The following LRP1B variants were observed in gnomAD, a reference collection of about 807,000 sequenced individuals.
The protein encoded by LRP1B is LDL receptor related protein 1B.
A neutral mutation model predicts 556.6 loss-of-function variants in LRP1B; 217 were observed. The observed-to-expected ratio is 0.39, with a 90% CI of 0.35 to 0.44. LRP1B has a LOEUF of 0.44. Among genes scored for constraint, LRP1B ranks in the 20% least tolerant of loss-of-function variants. LRP1B has a pLI of 1.00. For missense variants in LRP1B, 5,053 were observed against 5,620.8 expected (o/e 0.90, Z 3.23); for synonymous variants, 2,047 against 1,865.8 (o/e 1.10, Z -2.50).
chr2:141,990,177 G>A (rs191063830), intron 1 of LRP1B, among the ~76,000 whole-genome samples: 4 of 152,070 alleles, frequency 2.6e-5, no homozygotes, highest in East Asian at 1.9e-4. Flanking sequence ...ACCAACTGAC[G>A]TGAAACAAAT....
chr2:141,952,848 T>G (rs554826790), intron 1 of LRP1B, among the ~76,000 whole-genome samples: 9 of 152,282 alleles, frequency 5.9e-5, no homozygotes, highest in African/African-American at 2.2e-4. Context: ...GTAGTTTTTA[T>G]GTTTCAATGA....
chr2:140,986,011 TATA>T (rs1341682284), intron 17 of LRP1B, among the ~76,000 whole-genome samples: 3 of 151,752 alleles, frequency 2.0e-5, no homozygotes, highest in Non-Finnish European at 4.4e-5. Context: ...CTGGACATAT[TATA>T]ATACTATTCC....
intron 4 of LRP1B, among the ~76,000 whole-genome samples, 175 bp from the exon 5 acceptor site, chr2:141,247,529 T>G (rs1415480837): frequency 6.6e-6 from 1 of 152,212 alleles, no homozygotes; most frequent in Non-Finnish European, 1.5e-5. Flanking sequence ...TGCCTTAATA[T>G]TTACAGAGAT....
At chr2:140,647,212 C>G (rs1055728824) in intron 41 of LRP1B, among the ~76,000 whole-genome samples, 1 of 152,068 alleles carries the variant, frequency 6.6e-6, no homozygotes, top group Non-Finnish European at 1.5e-5. Context: ...AACTTGAAAT[C>G]TTAATGTCTC....
At chr2:141,264,270 G>A (rs528030077) in intron 3 of LRP1B, among the ~76,000 whole-genome samples, 7 of 152,210 alleles carry the variant, frequency 4.6e-5, no homozygotes, top group Non-Finnish European at 8.8e-5. Flanking sequence ...TTTAATAAAC[G>A]TGACTGACAA....
intron 43 of LRP1B, among the ~76,000 whole-genome samples, chr2:140,589,462 T>C (rs1389669526): frequency 6.6e-6 from 1 of 151,974 alleles, no homozygotes; most frequent in African/African-American, 2.4e-5. Flanking sequence ...TTACAGAGAG[T>C]GAAGAATTAT....
chr2:141,961,081 C>A (rs868232746), intron 1 of LRP1B, among the ~76,000 whole-genome samples: 2 of 151,580 alleles, frequency 1.3e-5, no homozygotes, highest in African/African-American at 4.8e-5. Flanking sequence ...TGATGTATAG[C>A]AAAATGCAGC....
At chr2:141,956,879 GAATT>G (rs1178047329) in intron 1 of LRP1B, among the ~76,000 whole-genome samples, 2 of 151,960 alleles carry the variant, frequency 1.3e-5, no homozygotes, top group Non-Finnish European at 2.9e-5. Flanking sequence ...ATTTAGAATA[GAATT>G]ATTTCTCCAA....
At position 140,704,395 on chromosome 2, in the gene LRP1B, G is replaced by C. The variant is rs1254511331; in HGVS notation, c.6024-1842C>G. On this transcript the variant is annotated intron_variant, in intron 37 of 90. Coordinates refer to ENST00000389484, the MANE Select transcript of LRP1B (RefSeq NM_018557.3). ...GAGTTTTACAGACAAACAAAAATGA[G>C]GTATGGCTACAATCTCAATTATATT... 2.6e-5 allele frequency among the ~76,000 whole-genome samples: 4 copies of C among 151,848 alleles called. No individual in the cohort carries two copies. The South Asian group carries it at 8.3e-4, about 31-fold the overall frequency.
At chr2:141,282,463 TTTTATA>T (rs1298182197) in intron 3 of LRP1B, among the ~76,000 whole-genome samples, 2 of 53,274 alleles carry the variant, frequency 3.8e-5, no homozygotes, top group South Asian at 6.1e-4. Flanking sequence ...CTCTCGGGGG[TTTTATA>T]TGTATATGTA....
intron 3 of LRP1B, among the ~76,000 whole-genome samples, chr2:141,322,421 G>T (rs1162588647): frequency 6.6e-6 from 1 of 152,026 alleles, no homozygotes; most frequent in Non-Finnish European, 1.5e-5. Flanking sequence ...TGACATTACA[G>T]CCTGAGCTTT....
At chr2:141,670,058 T>C (rs2105410832) in intron 2 of LRP1B, among the ~76,000 whole-genome samples, 1 of 152,292 alleles carries the variant, frequency 6.6e-6, no homozygotes, top group Admixed American at 6.5e-5. Flanking sequence ...CAGCCATCAT[T>C]CTTTTGTTGA....
At chr2:141,395,033 CA>C (rs1304418597) in intron 3 of LRP1B, among the ~76,000 whole-genome samples, 1 of 152,062 alleles carries the variant, frequency 6.6e-6, no homozygotes, top group Non-Finnish European at 1.5e-5. Context: ...ACTGCATATA[CA>C]AATTGTGGTC....
At chr2:141,258,680 T>C (rs1431990268) in intron 3 of LRP1B, among the ~76,000 whole-genome samples, 1 of 152,086 alleles carries the variant, frequency 6.6e-6, no homozygotes, top group Non-Finnish European at 1.5e-5. Flanking sequence ...AGGGAGGTGA[T>C]TGGACTTGGG....
chr2:140,536,962 AG>A (rs1372616672), intron 45 of LRP1B, among the ~76,000 whole-genome samples: 1 of 150,876 alleles, frequency 6.6e-6, no homozygotes, highest in African/African-American at 2.4e-5. Context: ...TCATGAGGTC[AG>A]GAGATTGAGA....
In LRP1B at chr2:140,274,486, C is replaced by T. The variant is rs764840081; in HGVS notation, c.13080G>A (p.Lys4360=). The part of the protein sequence containing the change: ...RYEGPKCEVD[K]CVRCHGGHCI... Reference sequence around the variant, plus strand: ...AGTGCCCCCCATGGCACCTTACACACTTGTCAACCTCACATTTTGGTCCTT... The same window carrying T: ...AGTGCCCCCCATGGCACCTTACACATTTGTCAACCTCACATTTTGGTCCTT... Residue 4360 remains lysine, a synonymous_variant, in exon 85 of 91, where the codon AAG becomes AAA. Coordinates refer to ENST00000389484, the MANE Select transcript of LRP1B (RefSeq NM_018557.3). 1 of 1,612,768 alleles carries T rather than the reference C, an allele frequency of 6.2e-7. No homozygotes were observed. Among genetic ancestry groups the T allele is most frequent in the Non-Finnish European group, 8.5e-7 (1 of 1,179,146 alleles).
At position 140,378,192 on chromosome 2, in the gene LRP1B, A is replaced by T. The variant is rs748381356; in HGVS notation, c.10626T>A (p.Asp3542Glu). The T allele has an allele frequency of 2.5e-6, 4 of 1,612,606 alleles. No homozygotes were observed. Among genetic ancestry groups the T allele is most frequent in the Non-Finnish European group, 3.4e-6 (4 of 1,178,704 alleles). Residue 3542 changes from aspartate to glutamate, a missense_variant, in exon 68 of 91, where the codon GAT becomes GAA. Around this residue, in one of 5 missense-constraint regions of LRP1B, gnomAD observed 599 missense variants for 648.4 expected, o/e 0.92. Transcript: ENST00000389484. ...FWCDGDFDCA[D>E]GSDERNCETS... ...CAAAGATGCCTACCTCATCAGAGCC[A>T]TCTGCACAGTCAAAATCTCCATCAC... is the stretch of plus-strand genomic sequence containing the variant.
intron 3 of LRP1B, among the ~76,000 whole-genome samples, chr2:141,348,363 T>G (rs1415091449): frequency 6.6e-6 from 1 of 152,004 alleles, no homozygotes; most frequent in Admixed American, 6.6e-5. Context: ...TGTCTGATTT[T>G]CTAAGCACAA....
chr2:141,806,871 A>G (rs1394010282), intron 2 of LRP1B, among the ~76,000 whole-genome samples: 1 of 152,084 alleles, frequency 6.6e-6, no homozygotes, highest in Non-Finnish European at 1.5e-5. Flanking sequence ...ACAATGTCAC[A>G]ATAAATTCTA....
Sources: allele counts gnomAD v4.1 joint callset (sites outside exome capture counted in the v4.1 genomes callset), GRCh38; gene constraint gnomAD v4.1.1; regional missense constraint gnomAD v4.1.1; transcripts MANE v1.5; gene names NCBI Gene and HGNC (gene_info 2026-07-23, HGNC 2026-07-21).